Variants in UBE2N observed in about 807,000 individuals in gnomAD.
UBE2N encodes ubiquitin-conjugating enzyme E2 N.
For synonymous variants in UBE2N, 70 were observed against 69.2 expected (o/e 1.01, Z -0.06); for missense variants, 60 against 192.1 (o/e 0.31, Z 4.07).
At chr12:93,426,402 A>C (rs993463156) in intron 1 of UBE2N, among the ~76,000 whole-genome samples, 8 of 152,038 alleles carry the variant, frequency 5.3e-5, no homozygotes, top group African/African-American at 1.9e-4. Context: ...AAAAAAAAAA[A>C]AAAAAAGCTA....
chr12:93,429,011 C>T (rs574575974), intron 1 of UBE2N, among the ~76,000 whole-genome samples: 1 of 152,262 alleles, frequency 6.6e-6, no homozygotes, highest in South Asian at 2.1e-4. Context: ...GTGGCTCATG[C>T]CTGTAATCCC....
chr12:93,437,526 G>C (rs949422177), intron 1 of UBE2N, among the ~76,000 whole-genome samples: 1 of 152,116 alleles, frequency 6.6e-6, no homozygotes, highest in African/African-American at 2.4e-5. Context: ...GTCGGGTGCA[G>C]TGGCTCACAC....
intron 1 of UBE2N, among the ~76,000 whole-genome samples, chr12:93,421,684 T>A (rs1051515653): frequency 4.6e-5 from 7 of 152,154 alleles, no homozygotes; most frequent in South Asian, 2.1e-4. Flanking sequence ...CTTATTAAGA[T>A]AAAAATAGGA....
At chr12:93,410,148 T>C (rs1165433295) in intron 3 of UBE2N, 69 bp from the exon 4 acceptor site, 3 of 1,453,478 alleles carry the variant, frequency 2.1e-6, no homozygotes, top group Non-Finnish European at 2.9e-6. Flanking sequence ...AAACTATAAA[T>C]GGCAAACAAC....
chr12:93,441,825 G>A (rs530583187), intron 1 of UBE2N, 30 bp downstream of exon 1: 3 of 1,580,194 alleles, frequency 1.9e-6, no homozygotes, highest in East Asian at 2.5e-5. Flanking sequence ...AGAGCAGAGC[G>A]AAGAGCTGGA....
At chr12:93,431,957 G>C (rs1391457858) in intron 1 of UBE2N, among the ~76,000 whole-genome samples, 2 of 152,060 alleles carry the variant, frequency 1.3e-5, no homozygotes, top group South Asian at 2.1e-4. Context: ...TCCTCGGCTG[G>C]GCGCGGTGGC....
At chr12:93,439,192 A>C (rs1312039726) in intron 1 of UBE2N, among the ~76,000 whole-genome samples, 3 of 152,216 alleles carry the variant, frequency 2.0e-5, no homozygotes, top group Admixed American at 6.5e-5. Flanking sequence ...CATCCTTTGA[A>C]AGTCAAAGGT....
chr12:93,438,709 A>G (rs1879009484), intron 1 of UBE2N, among the ~76,000 whole-genome samples: 1 of 152,224 alleles, frequency 6.6e-6, no homozygotes, highest in African/African-American at 2.4e-5. Flanking sequence ...ACAGGAGGCC[A>G]GGCAGTAAAT....
intron 1 of UBE2N, among the ~76,000 whole-genome samples, chr12:93,439,986 A>G (rs989886548): frequency 2.6e-5 from 4 of 152,218 alleles, no homozygotes; most frequent in Admixed American, 1.3e-4. Context: ...ATTGCCTTAA[A>G]CCATTTCTGT....
chr12:93,410,625 T>C (rs1313498011), intron 3 of UBE2N, 109 bp downstream of exon 3: 4 of 1,497,082 alleles, frequency 2.7e-6, no homozygotes, highest in Non-Finnish European at 3.6e-6. Flanking sequence ...ATCTCACTTA[T>C]TATACTTTTT....
chr12:93,407,601 A>G lies in UBE2N; in HGVS notation c.*2438T>C, dbSNP rs1395916956. 6.6e-6 allele frequency: 1 copy of G among 152,232 alleles called. No homozygotes were observed. The highest frequency in any genetic ancestry group is 1.5e-5 in the Non-Finnish European group (1 of 68,044). The allele number at this position is 152,232 out of a possible 1,614,324, so 9.4% of individuals were successfully genotyped here. A position where few individuals can be genotyped will look rare whatever the true frequency, so the allele number is the denominator to read the frequency against. ...CCTCTCAGTTAAGTCCCGTGCACAA[A>G]GGTGGGTCAGGTCTACTGTTGCCAG... On this transcript the variant is annotated 3_prime_UTR_variant, in exon 4 of 4. Coordinates refer to ENST00000318066, the MANE Select transcript of UBE2N (RefSeq NM_003348.4).
intron 1 of UBE2N, among the ~76,000 whole-genome samples, chr12:93,413,725 T>G (rs565288964): frequency 6.6e-6 from 1 of 152,292 alleles, no homozygotes; most frequent in East Asian, 1.9e-4. Context: ...ATTGGACTGT[T>G]TCTCACCATT....
At chr12:93,422,157 T>G (rs1356928490) in intron 1 of UBE2N, among the ~76,000 whole-genome samples, 2 of 152,152 alleles carry the variant, frequency 1.3e-5, no homozygotes, top group Admixed American at 6.5e-5. Context: ...TGTCAACTAT[T>G]CCTTCATAAA....
intron 1 of UBE2N, among the ~76,000 whole-genome samples, chr12:93,420,786 A>G (rs889845676): frequency 6.6e-6 from 1 of 152,140 alleles, no homozygotes; most frequent in African/African-American, 2.4e-5. Context: ...AAATTGTCCC[A>G]CCAAGAAGAA....
intron 1 of UBE2N, among the ~76,000 whole-genome samples, chr12:93,411,749 G>A (rs934051717): frequency 6.6e-6 from 1 of 152,090 alleles, no homozygotes; most frequent in Non-Finnish European, 1.5e-5. Flanking sequence ...CTGGAGTGCA[G>A]TGGCAAGATC....
chr12:93,427,823 T>C (rs1383771610), intron 1 of UBE2N, among the ~76,000 whole-genome samples: 1 of 152,208 alleles, frequency 6.6e-6, no homozygotes, highest in African/African-American at 2.4e-5. Context: ...ATCTTACCGA[T>C]GAATTAGAGA....
In UBE2N at chr12:93,417,314, T is replaced by C. The variant is rs145827625; in HGVS notation, c.31-6015A>G. 1.1e-4 allele frequency among the ~76,000 whole-genome samples: 17 copies of C among 152,334 alleles called. No individual in the cohort carries two copies. The East Asian group carries it at 3.3e-3, about 29-fold the overall frequency. ...ACACTACTGTAAACTATACTGTAGT[T>C]AGTCAATTATAACAACTGACATTCT... On this transcript the variant is annotated intron_variant, in intron 1 of 3. Transcript: ENST00000318066.
Position 93,409,348 on chromosome 12 carries a change from A to G in UBE2N, c.*691T>C, listed in dbSNP as rs537489429. The G allele has an allele frequency of 1.2e-5, 2 of 162,770 alleles. No homozygotes were observed. Among genetic ancestry groups the G allele is most frequent in the Non-Finnish European group, 2.9e-5 (2 of 68,090 alleles). 10.1% of individuals were successfully genotyped at this position (162,770 alleles called of 1,614,324 possible). ...TAAACACAGTAAAATAAACTGTACA[A>G]AGGCAAAGTAGAATAACAAAAAATA... On this transcript the variant is annotated 3_prime_UTR_variant, in exon 4 of 4. Coordinates refer to ENST00000318066, the MANE Select transcript of UBE2N (RefSeq NM_003348.4).
intron 1 of UBE2N, among the ~76,000 whole-genome samples, chr12:93,422,383 G>A (rs1342648843): frequency 6.6e-6 from 1 of 152,156 alleles, no homozygotes; most frequent in Non-Finnish European, 1.5e-5. Context: ...AATGAACTCT[G>A]TTATCTCAGG....
Sources: gnomAD v4.1 joint callset for allele counts (sites outside exome capture counted in the v4.1 genomes callset) on GRCh38, gnomAD v4.1.1 for gene constraint, MANE v1.5 for transcripts, NCBI Gene and HGNC (gene_info 2026-07-23, HGNC 2026-07-21) for gene names.